The following COBL variants were observed in gnomAD, a reference collection of about 807,000 sequenced individuals.
The protein encoded by COBL is cordon-bleu WH2 repeat protein.
COBL carries 51 observed loss-of-function variants against 98.8 expected under a neutral mutation model. The ratio of observed to expected loss-of-function variants is 0.52; its 90% CI spans 0.41 to 0.65. The LOEUF is 0.65. COBL is among the 30% of genes least tolerant of loss of function. The pLI, the probability that COBL is intolerant of heterozygous loss-of-function variation, is 0.00. For synonymous variants in COBL, 634 were observed against 651.7 expected (o/e 0.97, Z 0.41); for missense variants, 1,617 against 1,617.5 (o/e 1.00, Z 0.01).
At chr7:51,092,090 C>T (rs1794863874) in intron 6 of COBL, among the ~76,000 whole-genome samples, 2 of 152,296 alleles carry the variant, frequency 1.3e-5, no homozygotes, top group South Asian at 2.1e-4. Context: ...ACATGAGTGG[C>T]CACGTTAGAT....
chr7:51,246,875 G>A (rs1584297225), intron 1 of COBL, among the ~76,000 whole-genome samples: 1 of 152,034 alleles, frequency 6.6e-6, no homozygotes, highest in Non-Finnish European at 1.5e-5. Flanking sequence ...TACATTGAAC[G>A]ATTCAAAGAA....
intron 5 of COBL, among the ~76,000 whole-genome samples, chr7:51,163,476 A>T (rs1787013672): frequency 6.6e-6 from 1 of 152,182 alleles, no homozygotes; most frequent in Non-Finnish European, 1.5e-5. Flanking sequence ...ACTGGGAGCC[A>T]TTATTATTTT....
intron 7 of COBL, among the ~76,000 whole-genome samples, chr7:51,068,319 G>A (rs1652347013): frequency 6.6e-6 from 1 of 152,198 alleles, no homozygotes; most frequent in African/African-American, 2.4e-5. Flanking sequence ...CTATTAAAAT[G>A]CTGCGACCAG....
At chr7:51,268,758 C>T (rs532207362) in intron 1 of COBL, among the ~76,000 whole-genome samples, 7 of 151,910 alleles carry the variant, frequency 4.6e-5, no homozygotes, top group East Asian at 3.9e-4. Context: ...GGTGAAACCC[C>T]GCTTCTACTA....
intron 5 of COBL, among the ~76,000 whole-genome samples, chr7:51,159,137 C>T (rs555057532): frequency 5.9e-5 from 9 of 152,252 alleles, no homozygotes; most frequent in Admixed American, 1.3e-4. Flanking sequence ...CCCGGCCGCG[C>T]GCACCTGGCG....
intron 2 of COBL, among the ~76,000 whole-genome samples, chr7:51,212,850 C>A (rs1436430875): frequency 6.6e-6 from 1 of 152,190 alleles, no homozygotes; most frequent in Non-Finnish European, 1.5e-5. Flanking sequence ...TGGGAATTTG[C>A]ATTTCTAACA....
In COBL at chr7:51,173,483, C is replaced by G. The variant is rs577407649; in HGVS notation, c.783+10619G>C. Among the ~76,000 whole-genome samples, 3 of 152,224 alleles carry G rather than the reference C, an allele frequency of 2.0e-5. No individual in the cohort carries two copies. The East Asian group carries it at 5.8e-4, about 29-fold the overall frequency. On this transcript the variant is annotated intron_variant, in intron 5 of 12. Transcript: ENST00000265136. ...CAGGTGTTGGCCACCGCTCCTGGCC[C>G]AAGGACTTCAGTTTTAATCACTGCC...
rs1277913883 is a variant in COBL, at chr7:51,033,035, G to A, written c.1407-2126C>T. 4 of 151,956 alleles carry A rather than the reference G, an allele frequency of 2.6e-5. 1 individual carries two copies. Among genetic ancestry groups the A allele is most frequent in the Non-Finnish European group, 2.9e-5 (2 of 67,998 alleles). The allele number at this position is 151,956 out of a possible 1,614,324, so 9.4% of individuals were successfully genotyped here. On this transcript the variant is annotated intron_variant, in intron 8 of 12. Transcript: ENST00000265136. ...AAAGTATGCTTGATCACGTCACTAT[G>A]AGACATGGAACATAATGATATCAAT... is the stretch of plus-strand genomic sequence containing the variant.
At chr7:51,129,684 G>T (rs1019546995) in intron 6 of COBL, among the ~76,000 whole-genome samples, 1 of 152,056 alleles carries the variant, frequency 6.6e-6, no homozygotes, top group Non-Finnish European at 1.5e-5. Context: ...GGTGGCCAGC[G>T]AGACTTCATG....
chr7:51,313,350 C>T (rs900969400), intron 1 of COBL, among the ~76,000 whole-genome samples: 2 of 152,138 alleles, frequency 1.3e-5, no homozygotes, highest in Non-Finnish European at 1.5e-5. Flanking sequence ...ATACTATGTG[C>T]GGCACCGACA....
At chr7:51,204,862 G>A (rs752553012) in intron 2 of COBL, among the ~76,000 whole-genome samples, 1 of 152,032 alleles carries the variant, frequency 6.6e-6, no homozygotes, top group African/African-American at 2.4e-5. Context: ...AAAATCAGTG[G>A]CATTTCTATA....
intron 6 of COBL, among the ~76,000 whole-genome samples, chr7:51,116,848 G>T (rs1015992906): frequency 1.3e-5 from 2 of 152,054 alleles, no homozygotes; most frequent in South Asian, 4.1e-4. Flanking sequence ...ATTACCAGTT[G>T]TTTTGTCTCT....
intron 1 of COBL, among the ~76,000 whole-genome samples, chr7:51,248,672 T>C (rs1371004036): frequency 6.6e-6 from 1 of 152,014 alleles, no homozygotes; most frequent in Non-Finnish European, 1.5e-5. Context: ...GTTTTAACAC[T>C]CCTCAATCTA....
At chr7:51,109,342 T>C (rs1222143481) in intron 6 of COBL, among the ~76,000 whole-genome samples, 1 of 152,206 alleles carries the variant, frequency 6.6e-6, no homozygotes, top group East Asian at 1.9e-4. Context: ...GCGGTTCCTG[T>C]AGACATTTCA....
chr7:51,123,671 T>A (rs1374921748), intron 6 of COBL, among the ~76,000 whole-genome samples: 2 of 152,236 alleles, frequency 1.3e-5, no homozygotes, highest in African/African-American at 4.8e-5. Context: ...TGTTTTTAAA[T>A]CTTTGAGTTT....
Position 51,316,683 on chromosome 7 carries a change from C to G in COBL, c.-50G>C. On this transcript the variant is annotated 5_prime_UTR_variant, in exon 1 of 13. Transcript: ENST00000265136. ...GGTGCTCCGGGCCCGCCGAGTCAGG[C>G]GCTGGCTACCGCCGCCACCGCTGCC... is the stretch of plus-strand genomic sequence containing the variant. 8.6e-7 allele frequency: 1 copy of G among 1,167,850 alleles called. No homozygotes were observed. Among genetic ancestry groups the G allele is most frequent in the Non-Finnish European group, 1.1e-6 (1 of 940,466 alleles). 72.3% of individuals were successfully genotyped at this position (1,167,850 alleles called of 1,614,324 possible).
At chr7:51,073,911 G>T (rs1003938691) in intron 7 of COBL, among the ~76,000 whole-genome samples, 1 of 152,168 alleles carries the variant, frequency 6.6e-6, no homozygotes, top group Admixed American at 6.5e-5. Context: ...CTGAGTTGGA[G>T]ATGGATATCA....
At chr7:51,305,101 T>C (rs374829312) in intron 1 of COBL, among the ~76,000 whole-genome samples, 1 of 152,236 alleles carries the variant, frequency 6.6e-6, no homozygotes, top group East Asian at 1.9e-4. Context: ...CTGAGCCTTG[T>C]GGAAAATCTG....
intron 6 of COBL, among the ~76,000 whole-genome samples, chr7:51,117,981 G>A (rs1797426199): frequency 1.3e-5 from 2 of 152,124 alleles, no homozygotes; most frequent in South Asian, 2.1e-4. Context: ...TTCATGCATG[G>A]TTCAAGGCTG....
Sources: allele counts gnomAD v4.1 joint callset (sites outside exome capture counted in the v4.1 genomes callset), GRCh38; gene constraint gnomAD v4.1.1; transcripts MANE v1.5; gene names NCBI Gene and HGNC (gene_info 2026-07-23, HGNC 2026-07-21).